The following LRRTM4 variants were observed in gnomAD, a reference collection of about 807,000 sequenced individuals.
LRRTM4 encodes leucine rich repeat transmembrane neuronal 4.
Under a neutral mutation model 47.6 loss-of-function variants are expected in LRRTM4, and 25 were observed. That is an observed-to-expected ratio of 0.53 (90% CI 0.38 to 0.73). LRRTM4 has a LOEUF of 0.73. LRRTM4 is among the 30% of genes least tolerant of loss of function. The pLI, the probability that LRRTM4 is intolerant of heterozygous loss-of-function variation, is 0.00. For missense variants in LRRTM4, 638 were observed against 713.4 expected (o/e 0.89, Z 1.20); for synonymous variants, 311 against 269.5 (o/e 1.15, Z -1.51).
chr2:77,366,290 C>A (rs1672455861), intron 3 of LRRTM4, among the ~76,000 whole-genome samples: 1 of 151,806 alleles, frequency 6.6e-6, no homozygotes, highest in Admixed American at 6.6e-5. Flanking sequence ...ACCCGATTGA[C>A]CACTCTTTTT....
chr2:76,944,690 A>G (rs542328603), intron 3 of LRRTM4, among the ~76,000 whole-genome samples: 1 of 152,206 alleles, frequency 6.6e-6, no homozygotes, highest in African/African-American at 2.4e-5. Context: ...CCCTAAAAGT[A>G]TGGTCATATT....
Position 77,146,496 on chromosome 2 carries a change from C to G in LRRTM4, c.1551+371822G>C, listed in dbSNP as rs182764047. ...CTGAAACATTGCACTATAAAGAAAT[C>G]TATGAAACTAAAGGTCTTGCTTCAA... On this transcript the variant is annotated intron_variant, in intron 3 of 3. Coordinates refer to ENST00000409884, the MANE Select transcript of LRRTM4 (RefSeq NM_001134745.3). Among the ~76,000 whole-genome samples the G allele has an allele frequency of 2.1e-3, 315 of 152,162 alleles. 3 individuals carry two copies. The highest frequency in any genetic ancestry group is 7.3e-3 in the African/African-American group (305 of 41,558).
intron 3 of LRRTM4, among the ~76,000 whole-genome samples, chr2:77,035,886 C>T (rs1206036555): frequency 6.6e-6 from 1 of 151,746 alleles, no homozygotes; most frequent in African/African-American, 2.4e-5. Context: ...AAACTTTGTC[C>T]TCTTAGAGTT....
intron 3 of LRRTM4, among the ~76,000 whole-genome samples, chr2:77,234,676 T>C (rs1034259980): frequency 6.6e-6 from 1 of 152,176 alleles, no homozygotes; most frequent in African/African-American, 2.4e-5. Context: ...AAATTGCCCA[T>C]AACTGGGGCT....
chr2:77,272,782 T>G (rs578253605), intron 3 of LRRTM4, among the ~76,000 whole-genome samples: 1 of 152,088 alleles, frequency 6.6e-6, no homozygotes, highest in Non-Finnish European at 1.5e-5. Context: ...CCACCCTCCT[T>G]TTTTTCTTCC....
In LRRTM4 at chr2:76,853,846, C is replaced by T. The variant is rs1573214011; in HGVS notation, c.1552-104930G>A. Among the ~76,000 whole-genome samples the T allele has an allele frequency of 2.0e-5, 3 of 152,250 alleles. No homozygotes were observed. In the South Asian group the frequency reaches 6.2e-4, roughly 32 times the overall value. On this transcript the variant is annotated intron_variant, in intron 3 of 3. Coordinates refer to ENST00000409884, the MANE Select transcript of LRRTM4 (RefSeq NM_001134745.3). ...TCTCATACTACAGTAGATCCTACAT[C>T]CTAATCTACTATGTGTGATGTCTAA... is the stretch of plus-strand genomic sequence containing the variant.
intron 3 of LRRTM4, among the ~76,000 whole-genome samples, chr2:76,910,833 T>C (rs1007454720): frequency 6.6e-6 from 1 of 152,206 alleles, no homozygotes; most frequent in Non-Finnish European, 1.5e-5. Context: ...ATATCTTGAT[T>C]ATGTCATTAG....
chr2:77,234,525 T>C (rs951002551), intron 3 of LRRTM4, among the ~76,000 whole-genome samples: 4 of 152,194 alleles, frequency 2.6e-5, no homozygotes, highest in African/African-American at 9.6e-5. Context: ...TTGATTATAA[T>C]ATATTTACAA....
At chr2:77,052,246 A>G (rs1867892) in intron 3 of LRRTM4, among the ~76,000 whole-genome samples, 77,878 of 146,746 alleles carry the variant, frequency 0.53, 23,014 homozygotes, top group African/African-American at 0.81. Context: ...TCAGCTCACC[A>G]CAACCTCCGG....
At chr2:77,162,632 A>G (rs1049106863) in intron 3 of LRRTM4, among the ~76,000 whole-genome samples, 1 of 152,122 alleles carries the variant, frequency 6.6e-6, no homozygotes, top group Non-Finnish European at 1.5e-5. Flanking sequence ...CTTCCAGATG[A>G]AGGATCAGGC....
At chr2:77,161,302 T>C (rs1277657761) in intron 3 of LRRTM4, among the ~76,000 whole-genome samples, 1 of 152,162 alleles carries the variant, frequency 6.6e-6, no homozygotes, top group Non-Finnish European at 1.5e-5. Context: ...TTGACTGGTA[T>C]TGTGACTCAC....
intron 3 of LRRTM4, among the ~76,000 whole-genome samples, chr2:77,024,532 A>G (rs547735299): frequency 6.6e-6 from 1 of 152,068 alleles, no homozygotes; most frequent in Non-Finnish European, 1.5e-5. Context: ...TTCTAAAGAA[A>G]AAAACAACAG....
intron 3 of LRRTM4, among the ~76,000 whole-genome samples, chr2:76,900,994 T>A (rs553860942): frequency 2.0e-5 from 3 of 152,332 alleles, no homozygotes; most frequent in African/African-American, 7.2e-5. Context: ...AATTCTCCTA[T>A]TCAAGGAAAT....
At chr2:77,029,133 A>T (rs1327468305) in intron 3 of LRRTM4, among the ~76,000 whole-genome samples, 1 of 149,908 alleles carries the variant, frequency 6.7e-6, no homozygotes, top group Admixed American at 6.7e-5. Context: ...CAGACAGTAG[A>T]ATCTATGAGT....
intron 3 of LRRTM4, among the ~76,000 whole-genome samples, chr2:77,299,329 A>T (rs898305988): frequency 6.6e-6 from 1 of 150,960 alleles, no homozygotes; most frequent in Non-Finnish European, 1.5e-5. Flanking sequence ...ATATGTGTGT[A>T]TATATGTATA....
intron 3 of LRRTM4, among the ~76,000 whole-genome samples, chr2:77,091,760 C>T (rs1341925196): frequency 6.7e-6 from 1 of 150,066 alleles, no homozygotes; most frequent in Non-Finnish European, 1.5e-5. Context: ...AGACAGCCCC[C>T]ATTACTTCAA....
At chr2:77,157,987 A>C (rs534602382) in intron 3 of LRRTM4, among the ~76,000 whole-genome samples, 19 of 152,310 alleles carry the variant, frequency 1.2e-4, no homozygotes, top group African/African-American at 4.6e-4. Flanking sequence ...AAACATTCAA[A>C]AGGCGTCAAG....
intron 3 of LRRTM4, among the ~76,000 whole-genome samples, chr2:77,218,243 C>A (rs1198627289): frequency 1.3e-5 from 2 of 152,194 alleles, no homozygotes; most frequent in Non-Finnish European, 2.9e-5. Context: ...ATCTGCCCAC[C>A]TCTGCCTCCC....
intron 3 of LRRTM4, among the ~76,000 whole-genome samples, chr2:76,940,800 C>T (rs1461577754): frequency 1.3e-5 from 2 of 152,142 alleles, no homozygotes; most frequent in Admixed American, 6.5e-5. Flanking sequence ...CCTGAACTCC[C>T]TTCTTAAGCC....
Sources: gnomAD v4.1 joint callset for allele counts (sites outside exome capture counted in the v4.1 genomes callset) on GRCh38, gnomAD v4.1.1 for gene constraint, MANE v1.5 for transcripts, NCBI Gene and HGNC (gene_info 2026-07-23, HGNC 2026-07-21) for gene names.